Variants in COPG2 observed in about 807,000 individuals in gnomAD.
COPG2 encodes the protein coatomer subunit gamma-2.
COPG2 carries 37 observed loss-of-function variants against 46.3 expected under a neutral mutation model. The ratio of observed to expected loss-of-function variants is 0.80; its 90% CI spans 0.61 to 1.05. The LOEUF is 1.05. Among genes scored for constraint, COPG2 ranks in the 50% least tolerant of loss-of-function variants. The pLI is 0.00. For synonymous variants in COPG2, 159 were observed against 129.7 expected (o/e 1.23, Z -1.53); for missense variants, 427 against 387.8 (o/e 1.10, Z -0.85).
In COPG2 at chr7:130,506,518, T is replaced by G. The variant is rs1027194664; in HGVS notation, c.*158A>C. ...AAAAAAAACAACCCATGCGCAAAGA[T>G]AGACATTTGCTTGATCTGCTGGCTC... On this transcript the variant is annotated 3_prime_UTR_variant, in exon 24 of 24. Transcript: ENST00000425248. 7 of 460,486 alleles carry G rather than the reference T, an allele frequency of 1.5e-5. No homozygotes were observed. The Admixed American group carries it at 1.6e-4, about 11-fold the overall frequency. 28.5% of individuals were successfully genotyped at this position (460,486 alleles called of 1,614,324 possible). A position where few individuals can be genotyped will look rare whatever the true frequency, so the allele number is the denominator to read the frequency against.
intron 4 of COPG2, among the ~76,000 whole-genome samples, chr7:130,661,384 G>GT (rs1795975110): frequency 6.6e-6 from 1 of 152,186 alleles, no homozygotes; most frequent in African/African-American, 2.4e-5. Context: ...CATGACTTAT[G>GT]TAACAGCCTC....
intron 20 of COPG2, among the ~76,000 whole-genome samples, chr7:130,523,077 C>T (rs1229771847): frequency 7.0e-6 from 1 of 142,434 alleles, no homozygotes; most frequent in Non-Finnish European, 1.5e-5. Context: ...GAGATCGCAC[C>T]ACTGCACTCC....
At chr7:130,623,013 CA>C (rs1554453804) in intron 5 of COPG2, among the ~76,000 whole-genome samples, 1 of 152,116 alleles carries the variant, frequency 6.6e-6, no homozygotes. Flanking sequence ...ATGAAGAATC[CA>C]AAGTGACCTA....
rs538406186 is a variant in COPG2, at chr7:130,657,162, T to C, written c.244-4214A>G. On this transcript the variant is annotated intron_variant, in intron 4 of 23. Coordinates refer to ENST00000425248, the MANE Select transcript of COPG2 (RefSeq NM_012133.6). ...CATAGAGCTAAAGTAAGAACAGACA[T>C]ATAGGTCAATGAGACAAAATAATGT... 7.9e-5 allele frequency among the ~76,000 whole-genome samples: 12 copies of C among 152,154 alleles called. No homozygotes were observed. The South Asian group carries it at 2.3e-3, about 29-fold the overall frequency.
chr7:130,549,505 T>C (rs1056528689), intron 17 of COPG2, 129 bp from the exon 18 acceptor site: 10 of 396,298 alleles, frequency 2.5e-5, no homozygotes, highest in East Asian at 2.1e-4. Context: ...ATCATACTTA[T>C]AGGTTATCTA....
chr7:130,644,435 T>C (rs1795552751), intron 5 of COPG2, among the ~76,000 whole-genome samples: 1 of 152,126 alleles, frequency 6.6e-6, no homozygotes, highest in African/African-American at 2.4e-5. Flanking sequence ...AGGAACAAAT[T>C]CAGGTATGTC....
chr7:130,610,649 ATTCT>A (rs1554451896), intron 9 of COPG2: 4 of 561,084 alleles, frequency 7.1e-6, no homozygotes, highest in Non-Finnish European at 1.4e-5. Flanking sequence ...GGATAGGATA[ATTCT>A]TAATGTCCCT....
At chr7:130,569,726 A>T (rs1793863244) in intron 9 of COPG2, among the ~76,000 whole-genome samples, 1 of 152,168 alleles carries the variant, frequency 6.6e-6, no homozygotes, top group Non-Finnish European at 1.5e-5. Context: ...TATAACCCTA[A>T]TACCAAAACC....
intron 9 of COPG2, among the ~76,000 whole-genome samples, chr7:130,586,285 A>G (rs148234226): frequency 0.79 from 119,311 of 151,812 alleles, 47,456 homozygotes; most frequent in Non-Finnish European, 0.85. Context: ...AAAGGCATAC[A>G]AATCATACAA....
At chr7:130,534,428 A>C (rs1799859341) in intron 20 of COPG2, among the ~76,000 whole-genome samples, 1 of 152,156 alleles carries the variant, frequency 6.6e-6, no homozygotes, top group Admixed American at 6.5e-5. Context: ...TGGTTTTGCT[A>C]TCCAAGAGTG....
At chr7:130,605,955 T>C (rs1158718337) in intron 9 of COPG2, among the ~76,000 whole-genome samples, 2 of 152,184 alleles carry the variant, frequency 1.3e-5, no homozygotes, top group Non-Finnish European at 2.9e-5. Context: ...TACCTCAAAT[T>C]GTAGAACTGA....
chr7:130,626,224 T>G (rs1176567099), intron 5 of COPG2, among the ~76,000 whole-genome samples: 1 of 152,094 alleles, frequency 6.6e-6, no homozygotes, highest in African/African-American at 2.4e-5. Flanking sequence ...TGTAGTGATT[T>G]GCCTTTTTTC....
At chr7:130,591,182 G>C (rs1161938860) in intron 9 of COPG2, among the ~76,000 whole-genome samples, 1 of 140,542 alleles carries the variant, frequency 7.1e-6, no homozygotes, top group Non-Finnish European at 1.6e-5. Flanking sequence ...CCCCGTCCGG[G>C]AGGTGAGGGG....
At chr7:130,512,095 G>A (rs551683798) in intron 20 of COPG2, among the ~76,000 whole-genome samples, 9 of 150,614 alleles carry the variant, frequency 6.0e-5, no homozygotes, top group East Asian at 1.9e-4. Context: ...TTAGCCGGGC[G>A]TGGTGGCCCA....
intron 20 of COPG2, among the ~76,000 whole-genome samples, chr7:130,513,359 G>GTGTGTGTGTA (rs1282542780): frequency 2.5e-4 from 9 of 36,664 alleles, no homozygotes; most frequent in African/African-American, 3.2e-4. Context: ...GTGTGTGTGT[G>GTGTGTGTGTA]TATATATATA....
intron 20 of COPG2, among the ~76,000 whole-genome samples, chr7:130,530,384 A>T (rs1310850136): frequency 1.3e-5 from 2 of 152,210 alleles, no homozygotes; most frequent in African/African-American, 4.8e-5. Flanking sequence ...ACAGAAAGAA[A>T]GAAGAGGAGA....
intron 20 of COPG2, among the ~76,000 whole-genome samples, chr7:130,546,430 G>A (rs1269531215): frequency 1.3e-5 from 2 of 152,164 alleles, no homozygotes; most frequent in Non-Finnish European, 2.9e-5. Context: ...ACCTCACAAA[G>A]GGATAAAGGA....
At chr7:130,508,414 C>T in intron 21 of COPG2, 148 bp downstream of exon 21, 1 of 603,574 alleles carries the variant, frequency 1.7e-6, no homozygotes, top group Non-Finnish European at 3.0e-6. Context: ...GAGGGTTAGT[C>T]CAGGTCCTCC....
chr7:130,534,071 G>C (rs1336215922), intron 20 of COPG2, among the ~76,000 whole-genome samples: 6 of 152,084 alleles, frequency 3.9e-5, no homozygotes, highest in Admixed American at 3.9e-4. Flanking sequence ...CAAAATGGGG[G>C]TGCGCCAGAC....
Sources: gnomAD v4.1 joint callset for allele counts (sites outside exome capture counted in the v4.1 genomes callset) on GRCh38, gnomAD v4.1.1 for gene constraint, MANE v1.5 for transcripts, NCBI Gene and HGNC (gene_info 2026-07-23, HGNC 2026-07-21) for gene names.